SLC35D4: variants seen among roughly 807,000 people sequenced by gnomAD.
SLC35D4 encodes the protein UDP-N-acetylglucosamine transporter SLC35D4.
At chr18:23,251,958 C>T in the SLC35D4 span, among the ~76,000 whole-genome samples, 3 of 151,782 alleles carry the variant, frequency 2.0e-5, no homozygotes, top group Non-Finnish European at 4.4e-5. Context: ...TGATGGTGGG[C>T]GCCTGTATTT....
At chr18:23,358,164 C>CTGTG in the SLC35D4 span, among the ~76,000 whole-genome samples, 1 of 152,222 alleles carries the variant, frequency 6.6e-6, no homozygotes, top group African/African-American at 2.4e-5. Flanking sequence ...TCTTTGGCAG[C>CTGTG]TGTGTGCTCT....
chr18:23,327,589 A>C, the SLC35D4 span, among the ~76,000 whole-genome samples: 4 of 151,316 alleles, frequency 2.6e-5, no homozygotes, highest in Non-Finnish European at 5.9e-5. Flanking sequence ...GTCCAGGACC[A>C]GACGGATTCA....
At chr18:23,249,929 G>A in the SLC35D4 span, among the ~76,000 whole-genome samples, 38 of 152,224 alleles carry the variant, frequency 2.5e-4, 1 homozygote, top group South Asian at 4.1e-4. Context: ...GGATCCCAGC[G>A]CTGGCCCCTG....
At chr18:23,341,747 A>G in the SLC35D4 span, among the ~76,000 whole-genome samples, 6 of 152,162 alleles carry the variant, frequency 3.9e-5, no homozygotes, top group East Asian at 7.7e-4. Context: ...AGAGAGAGAG[A>G]GGGGAGATTG....
the SLC35D4 span, among the ~76,000 whole-genome samples, chr18:23,337,331 T>G: frequency 1.3e-5 from 2 of 151,520 alleles, no homozygotes; most frequent in African/African-American, 2.4e-5. Flanking sequence ...AAAAATTAGC[T>G]GGGCATGGTG....
the SLC35D4 span, among the ~76,000 whole-genome samples, chr18:23,361,504 G>A: frequency 2.0e-5 from 3 of 152,122 alleles, no homozygotes; most frequent in Non-Finnish European, 4.4e-5. Context: ...GCAGTGCCAC[G>A]GCCCAGCAAA....
At chr18:23,386,959 G>C in the SLC35D4 span, among the ~76,000 whole-genome samples, 5 of 152,172 alleles carry the variant, frequency 3.3e-5, no homozygotes, top group African/African-American at 9.7e-5. Context: ...GCCTGGGCTG[G>C]AGCGCAGTGG....
the SLC35D4 span, among the ~76,000 whole-genome samples, chr18:23,326,155 T>A: frequency 3.9e-5 from 6 of 152,214 alleles, no homozygotes; most frequent in Admixed American, 3.9e-4. Flanking sequence ...GGACAAAGCA[T>A]CTAGTCCCTG....
At chr18:23,364,135 T>C in the SLC35D4 span, among the ~76,000 whole-genome samples, 1 of 152,154 alleles carries the variant, frequency 6.6e-6, no homozygotes, top group Non-Finnish European at 1.5e-5. Flanking sequence ...AAGAAGCAGC[T>C]GAAAACGCCA....
At chr18:23,360,875 G>T in the SLC35D4 span, among the ~76,000 whole-genome samples, 87 of 152,166 alleles carry the variant, frequency 5.7e-4, no homozygotes, top group African/African-American at 2.0e-3. Context: ...GCCAAGGCGG[G>T]TGGATCACTT....
At chr18:23,371,602 G>A in the SLC35D4 span, 5 of 598,460 alleles carry the variant, frequency 8.4e-6, no homozygotes, top group Middle Eastern at 3.4e-4. Flanking sequence ...TCCTGGGGCC[G>A]TACATCAGTT....
chr18:23,380,348 C>T, the SLC35D4 span, among the ~76,000 whole-genome samples: 1 of 152,104 alleles, frequency 6.6e-6, no homozygotes, highest in African/African-American at 2.4e-5. Context: ...GCGGTGTCAC[C>T]CCTGCTGGCA....
chr18:23,436,567 C>A, the SLC35D4 span, among the ~76,000 whole-genome samples: 1 of 151,922 alleles, frequency 6.6e-6, no homozygotes, highest in South Asian at 2.1e-4. Context: ...CTGAGGCATG[C>A]GGATCACCTG....
the SLC35D4 span, among the ~76,000 whole-genome samples, chr18:23,328,176 T>TC: frequency 6.6e-6 from 1 of 152,204 alleles, no homozygotes; most frequent in Non-Finnish European, 1.5e-5. Context: ...CCACTCCTGT[T>TC]CAACATAGTG....
chr18:23,385,252 G>A, the SLC35D4 span, among the ~76,000 whole-genome samples: 1 of 152,326 alleles, frequency 6.6e-6, no homozygotes, highest in Admixed American at 6.5e-5. Flanking sequence ...GTAGGTGGAT[G>A]TAGAGGTTCC....
chr18:23,285,463 C>T, the SLC35D4 span, among the ~76,000 whole-genome samples: 1,089 of 152,170 alleles, frequency 7.2e-3, 15 homozygotes, highest in African/African-American at 0.024. Context: ...AGCCAGAAAA[C>T]GGCACTTTCA....
chr18:23,366,189 G>C, the SLC35D4 span, among the ~76,000 whole-genome samples: 6 of 152,190 alleles, frequency 3.9e-5, no homozygotes, highest in African/African-American at 1.4e-4. Flanking sequence ...AGATGCCACA[G>C]AGGGGAAAGG....
chr18:23,408,819 T>C, the SLC35D4 span, among the ~76,000 whole-genome samples: 4 of 140,552 alleles, frequency 2.8e-5, no homozygotes, highest in South Asian at 2.1e-4. Context: ...TATCTCTCTT[T>C]TTTTTTTTTT....
At chr18:23,365,783 C>A in the SLC35D4 span, 1 of 1,103,996 alleles carries the variant, frequency 9.1e-7, no homozygotes, top group Admixed American at 2.3e-5. Context: ...ATTATCTGCA[C>A]TGACTCACTC....
Sources: gnomAD v4.1 joint callset for allele counts (sites outside exome capture counted in the v4.1 genomes callset) on GRCh38, gnomAD v4.1.1 for gene constraint, MANE v1.5 for transcripts, NCBI Gene and HGNC (gene_info 2026-07-23, HGNC 2026-07-21) for gene names.